The following ZEB1 variants were observed in gnomAD, a reference collection of about 807,000 sequenced individuals.
ZEB1 encodes zinc finger E-box-binding homeobox 1.
In ZEB1, 21 loss-of-function variants were observed where a neutral mutation model predicts 84.9. The observed-to-expected ratio is 0.25, with a 90% CI of 0.18 to 0.36. ZEB1 has a LOEUF of 0.36. ZEB1 is among the 10% of genes least tolerant of loss of function. The pLI, the probability that ZEB1 is intolerant of heterozygous loss-of-function variation, is 1.00. For missense variants in ZEB1, 1,104 were observed against 1,330.2 expected (o/e 0.83, Z 2.65); for synonymous variants, 420 against 471.1 (o/e 0.89, Z 1.41).
chr10:31,334,665 A>C (rs2037617073), intron 1 of ZEB1, among the ~76,000 whole-genome samples: 1 of 152,136 alleles, frequency 6.6e-6, no homozygotes, highest in African/African-American at 2.4e-5. Flanking sequence ...TAACAAAATT[A>C]GCAAACCACT....
At chr10:31,361,582 C>T (rs1323221253) in intron 1 of ZEB1, among the ~76,000 whole-genome samples, 1 of 152,192 alleles carries the variant, frequency 6.6e-6, no homozygotes, top group Non-Finnish European at 1.5e-5. Flanking sequence ...TGGGGGCACT[C>T]CTCACTTCCC....
intron 1 of ZEB1, among the ~76,000 whole-genome samples, chr10:31,450,591 A>G (rs556729069): frequency 1.3e-5 from 2 of 152,192 alleles, no homozygotes; most frequent in South Asian, 2.1e-4. Context: ...ATTCTTGTAA[A>G]TCATTGTTAA....
At chr10:31,335,125 A>G (rs2037723916) in intron 1 of ZEB1, among the ~76,000 whole-genome samples, 1 of 152,130 alleles carries the variant, frequency 6.6e-6, no homozygotes, top group African/African-American at 2.4e-5. Context: ...ATCCATCTGT[A>G]GGTGGTTACC....
In ZEB1 at chr10:31,495,881, A is replaced by T. The variant is rs763045784; in HGVS notation, c.322+43A>T. 6.8e-6 allele frequency: 11 copies of T among 1,607,834 alleles called. No individual in the cohort carries two copies. In the South Asian group the frequency reaches 1.2e-4, roughly 18 times the overall value. On this transcript the variant is annotated intron_variant, in intron 3 of 8. Coordinates refer to ENST00000424869, the MANE Select transcript of ZEB1 (RefSeq NM_001174096.2). ...TCTTTCATACCATAGCCTTTAAAAG[A>T]AGGTCTTTGTGTCACTGATTTCGCA... is the stretch of plus-strand genomic sequence containing the variant.
At chr10:31,375,077 A>ACACACACG (rs2046372012) in intron 1 of ZEB1, 1 of 145,924 alleles carries the variant, frequency 6.9e-6, no homozygotes, top group Non-Finnish European at 1.5e-5. Flanking sequence ...ACACACACAC[A>ACACACACG]CACACACACA....
intron 1 of ZEB1, among the ~76,000 whole-genome samples, chr10:31,329,406 C>T (rs904590043): frequency 2.0e-5 from 3 of 152,106 alleles, no homozygotes; most frequent in Non-Finnish European, 4.4e-5. Flanking sequence ...TCACCAAATA[C>T]ACAATTTGTG....
chr10:31,361,014 T>G, intron 1 of ZEB1: 1 of 1,609,360 alleles, frequency 6.2e-7, no homozygotes, highest in Non-Finnish European at 8.5e-7. Flanking sequence ...TTTACAAGGC[T>G]CCTGCTTACC....
At chr10:31,489,602 C>T (rs1346912677) in intron 2 of ZEB1, among the ~76,000 whole-genome samples, 2 of 150,780 alleles carry the variant, frequency 1.3e-5, no homozygotes. Context: ...TTTAGTATTC[C>T]ATTTTAATTT....
intron 1 of ZEB1, among the ~76,000 whole-genome samples, chr10:31,327,266 A>C (rs906360727): frequency 2.0e-5 from 3 of 151,724 alleles, no homozygotes; most frequent in African/African-American, 7.3e-5. Context: ...ACACACCGCC[A>C]TGCCTGGCTG....
intron 1 of ZEB1, among the ~76,000 whole-genome samples, chr10:31,444,052 C>G (rs1236605360): frequency 6.6e-6 from 1 of 150,776 alleles, no homozygotes; most frequent in Non-Finnish European, 1.5e-5. Context: ...GTTCCTATTT[C>G]TCCACATCCT....
At chr10:31,488,912 T>G (rs577877018) in intron 2 of ZEB1, among the ~76,000 whole-genome samples, 1 of 151,400 alleles carries the variant, frequency 6.6e-6, no homozygotes, top group East Asian at 1.9e-4. Context: ...ATGAATATTT[T>G]GTGTACATTT....
rs143958352 is a variant in ZEB1 at position 31,484,161 on chromosome 10, C to A, written c.260-11615C>A. 1.1e-3 allele frequency among the ~76,000 whole-genome samples: 168 copies of A among 152,068 alleles called. 1 individual carries two copies. The highest frequency in any genetic ancestry group is 6.8e-3 in the Middle Eastern group (2 of 294). ...AGAGCTCGTGATTAACTGGCCCACC[C>A]AAATAATCCAGGATAATCTCCCCAC... On this transcript the variant is annotated intron_variant, in intron 2 of 8. Transcript: ENST00000424869.
intron 3 of ZEB1, among the ~76,000 whole-genome samples, chr10:31,497,394 G>A (rs558367233): frequency 6.6e-6 from 1 of 152,192 alleles, no homozygotes; most frequent in Admixed American, 6.6e-5. Context: ...CATCTGGAAG[G>A]CAGGGTAACC....
chr10:31,526,487 G>GT (rs1242533514), intron 8 of ZEB1, among the ~76,000 whole-genome samples, 185 bp from the exon 9 acceptor site: 2 of 152,070 alleles, frequency 1.3e-5, no homozygotes, highest in African/African-American at 4.8e-5. Context: ...AGAGCACTAC[G>GT]TTTTTTAATG....
At chr10:31,524,707 TA>T (rs1482309634) in intron 8 of ZEB1, among the ~76,000 whole-genome samples, 1 of 152,212 alleles carries the variant, frequency 6.6e-6, no homozygotes, top group Non-Finnish European at 1.5e-5. Context: ...GCTTATGCTA[TA>T]TTAATAAAAA....
Position 31,527,296 on chromosome 10 carries a change from T to C in ZEB1, c.*32T>C, listed in dbSNP as rs2073683104. On this transcript the variant is annotated 3_prime_UTR_variant, in exon 9 of 9. Transcript: ENST00000424869. Reference sequence around the variant, plus strand: ...TTCTAGAAGGAAAATAAATTCTAATTGATAATGAATTTCGTTCAATATTAT... The same window carrying C: ...TTCTAGAAGGAAAATAAATTCTAATCGATAATGAATTTCGTTCAATATTAT... 3 of 1,570,338 alleles carry C rather than the reference T, an allele frequency of 1.9e-6. No homozygotes were observed. The highest frequency in any genetic ancestry group is 1.2e-5 in the South Asian group (1 of 85,672).
At chr10:31,334,646 T>C (rs1590040877) in intron 1 of ZEB1, among the ~76,000 whole-genome samples, 1 of 152,108 alleles carries the variant, frequency 6.6e-6, no homozygotes, top group East Asian at 1.9e-4. Context: ...ATAGATTATT[T>C]GAGAAGAGTA....
chr10:31,419,973 T>G (rs913125858), intron 1 of ZEB1, among the ~76,000 whole-genome samples: 2 of 152,160 alleles, frequency 1.3e-5, no homozygotes, highest in African/African-American at 4.8e-5. Context: ...AGCCTCAGTA[T>G]CTGGAATATC....
At chr10:31,498,927 TTCA>T (rs1485558080) in intron 3 of ZEB1, among the ~76,000 whole-genome samples, 1 of 152,052 alleles carries the variant, frequency 6.6e-6, no homozygotes, top group Non-Finnish European at 1.5e-5. Flanking sequence ...AGGAAAAGTG[TTCA>T]TCATTCAGTT....
Sources: allele counts gnomAD v4.1 joint callset (sites outside exome capture counted in the v4.1 genomes callset), GRCh38; gene constraint gnomAD v4.1.1; transcripts MANE v1.5; gene names NCBI Gene and HGNC (gene_info 2026-07-23, HGNC 2026-07-21).